Variants in EFCAB6 observed in about 807,000 individuals in gnomAD.
The protein encoded by EFCAB6 is EF-hand calcium binding domain 6.
A neutral mutation model predicts 169.8 loss-of-function variants in EFCAB6; 156 were observed. The observed-to-expected ratio is 0.92, with a 90% CI of 0.81 to 1.05. The LOEUF (loss-of-function observed/expected upper bound fraction) is 1.05. Ranked by LOEUF, EFCAB6 falls within the 50% of genes least tolerant of loss-of-function variation. The probability of loss-of-function intolerance (pLI) is 0.00; values close to 1 mark genes in which losing one functional copy is unlikely to be tolerated. For missense variants in EFCAB6, 1,800 were observed against 1,829.1 expected (o/e 0.98, Z 0.29); for synonymous variants, 698 against 676.4 (o/e 1.03, Z -0.50).
At chr22:43,780,745 G>A (rs1406441409) in intron 3 of EFCAB6, among the ~76,000 whole-genome samples, 2 of 152,100 alleles carry the variant, frequency 1.3e-5, no homozygotes, top group South Asian at 2.1e-4. Flanking sequence ...GTAGACACAC[G>A]GTTGTTGGAA....
At chr22:43,741,599 TC>T (rs756053953) in intron 6 of EFCAB6, among the ~76,000 whole-genome samples, 8 of 152,168 alleles carry the variant, frequency 5.3e-5, no homozygotes, top group Non-Finnish European at 1.2e-4. Flanking sequence ...AAATGTAAAT[TC>T]CACAAAGCAG....
In EFCAB6 at chr22:43,680,757, C is replaced by T. The variant is rs532049212; in HGVS notation, c.1252-2594G>A. Among the ~76,000 whole-genome samples, 21 of 152,274 alleles carry T rather than the reference C, an allele frequency of 1.4e-4. No individual in the cohort carries two copies. The South Asian group carries it at 4.1e-3, about 30-fold the overall frequency. ...AAGTTCCTTTTCAGATTGCTCATAG[C>T]TAGTTTATAGAAATATAACTGATTT... On this transcript the variant is annotated intron_variant, in intron 12 of 31. Transcript: ENST00000262726.
intron 17 of EFCAB6, among the ~76,000 whole-genome samples, chr22:43,638,014 T>A (rs1195026864): frequency 6.6e-6 from 1 of 152,064 alleles, no homozygotes; most frequent in East Asian, 1.9e-4. Flanking sequence ...ATTCGTACTA[T>A]CCCCCAGGCC....
At chr22:43,555,447 A>G (rs2048648634) in intron 26 of EFCAB6, among the ~76,000 whole-genome samples, 1 of 152,230 alleles carries the variant, frequency 6.6e-6, no homozygotes, top group Non-Finnish European at 1.5e-5. Flanking sequence ...TAACAAACAC[A>G]GTGCGAGCCT....
chr22:43,740,042 C>G (rs1363017500), intron 6 of EFCAB6, among the ~76,000 whole-genome samples: 2 of 151,980 alleles, frequency 1.3e-5, no homozygotes, highest in East Asian at 3.9e-4. Context: ...CACACCAGAC[C>G]CCACTGCTCC....
At chr22:43,531,532 G>A (rs1249721312) in intron 30 of EFCAB6, among the ~76,000 whole-genome samples, 2 of 152,170 alleles carry the variant, frequency 1.3e-5, no homozygotes, top group African/African-American at 4.8e-5. Flanking sequence ...TTGAAAACAA[G>A]ACATTTGAAC....
chr22:43,773,124 T>C, intron 3 of EFCAB6, 21 bp from the exon 4 acceptor site: 1 of 1,611,900 alleles, frequency 6.2e-7, no homozygotes, highest in Non-Finnish European at 8.5e-7. Context: ...GATACAGCTA[T>C]TTATTAAACA....
chr22:43,638,585 C>A (rs1602830848), intron 17 of EFCAB6, among the ~76,000 whole-genome samples: 1 of 152,200 alleles, frequency 6.6e-6, no homozygotes, highest in South Asian at 2.1e-4. Context: ...GCAACCCCTG[C>A]ACAACATCCT....
intron 6 of EFCAB6, among the ~76,000 whole-genome samples, chr22:43,738,483 A>T (rs2060249390): frequency 6.7e-6 from 1 of 150,100 alleles, no homozygotes; most frequent in African/African-American, 2.5e-5. Flanking sequence ...ATATATTCAC[A>T]CACACACATG....
At chr22:43,763,099 T>C (rs1490573729) in intron 5 of EFCAB6, among the ~76,000 whole-genome samples, 4 of 152,014 alleles carry the variant, frequency 2.6e-5, no homozygotes, top group African/African-American at 9.7e-5. Context: ...AGTGCAGTGG[T>C]GCGATCTGGG....
intron 1 of EFCAB6, among the ~76,000 whole-genome samples, chr22:43,811,247 C>G (rs969683774): frequency 1.4e-5 from 2 of 147,552 alleles, no homozygotes; most frequent in Non-Finnish European, 3.0e-5. Context: ...TGCACTCCAG[C>G]CTGGGTGACA....
At chr22:43,658,044 C>T (rs906082939) in intron 17 of EFCAB6, among the ~76,000 whole-genome samples, 1 of 152,070 alleles carries the variant, frequency 6.6e-6, no homozygotes, top group Non-Finnish European at 1.5e-5. Flanking sequence ...CCCTGGCCAA[C>T]ATGGTGAAAC....
chr22:43,787,408 A>G (rs553446119), intron 2 of EFCAB6, among the ~76,000 whole-genome samples: 14 of 152,174 alleles, frequency 9.2e-5, no homozygotes, highest in African/African-American at 1.7e-4. Flanking sequence ...AACAAGTTCA[A>G]TAAGGTTGTA....
At chr22:43,719,239 C>T (rs969346287) in intron 8 of EFCAB6, among the ~76,000 whole-genome samples, 3 of 152,214 alleles carry the variant, frequency 2.0e-5, no homozygotes, top group Admixed American at 6.5e-5. Context: ...AGCTTTCATT[C>T]TCCAGGGCAG....
At chr22:43,602,608 T>A (rs1191380454) in intron 22 of EFCAB6, among the ~76,000 whole-genome samples, 3 of 152,134 alleles carry the variant, frequency 2.0e-5, no homozygotes, top group African/African-American at 7.2e-5. Context: ...AATGTAATAA[T>A]GCAACTCTGG....
chr22:43,649,088 GA>G (rs1247967277), intron 17 of EFCAB6, among the ~76,000 whole-genome samples: 1 of 152,230 alleles, frequency 6.6e-6, no homozygotes, highest in East Asian at 1.9e-4. Context: ...GTCAGATTAA[GA>G]GGGATACAGA....
intron 25 of EFCAB6, 92 bp from the exon 26 acceptor site, chr22:43,576,580 A>C: frequency 2.7e-6 from 3 of 1,120,202 alleles, no homozygotes; most frequent in Non-Finnish European, 3.7e-6. Flanking sequence ...GCTGAATGCA[A>C]ATGAAGCCTA....
chr22:43,775,992 G>C (rs1475736592), intron 3 of EFCAB6, among the ~76,000 whole-genome samples: 1 of 152,256 alleles, frequency 6.6e-6, no homozygotes, highest in African/African-American at 2.4e-5. Flanking sequence ...CTGTGGATCT[G>C]TGAGCAAAAT....
intron 6 of EFCAB6, among the ~76,000 whole-genome samples, chr22:43,742,592 T>C (rs1433248629): frequency 2.6e-5 from 4 of 152,192 alleles, no homozygotes; most frequent in African/African-American, 9.7e-5. Context: ...AGCCAGGAAA[T>C]GGGCCTGCAT....
Sources: allele counts gnomAD v4.1 joint callset (sites outside exome capture counted in the v4.1 genomes callset), GRCh38; gene constraint gnomAD v4.1.1; transcripts MANE v1.5; gene names NCBI Gene and HGNC (gene_info 2026-07-23, HGNC 2026-07-21).